The following VTI1A variants were observed in gnomAD, a reference collection of about 807,000 sequenced individuals.
VTI1A encodes vesicle transport through interaction with t-SNAREs homolog 1A.
In VTI1A, 22 loss-of-function variants were observed where a neutral mutation model predicts 34.9. The ratio of observed to expected loss-of-function variants is 0.63; its 90% confidence interval spans 0.45 to 0.90. The LOEUF (loss-of-function observed/expected upper bound fraction) is 0.90. VTI1A is among the 40% of genes least tolerant of loss of function. The pLI, the probability that VTI1A is intolerant of heterozygous loss-of-function variation, is 0.00. For missense variants in VTI1A, 268 were observed against 275.6 expected (o/e 0.97, Z 0.20); for synonymous variants, 87 against 97.3 (o/e 0.89, Z 0.62).
At chr10:112,757,802 A>G (rs1851338672) in intron 7 of VTI1A, among the ~76,000 whole-genome samples, 1 of 152,216 alleles carries the variant, frequency 6.6e-6, no homozygotes, top group Non-Finnish European at 1.5e-5. Context: ...CTGGCCACCC[A>G]AAGATACCCA....
chr10:112,633,466 C>T (rs531449985), intron 5 of VTI1A, among the ~76,000 whole-genome samples: 1 of 152,218 alleles, frequency 6.6e-6, no homozygotes, highest in African/African-American at 2.4e-5. Context: ...AATTTCTGTC[C>T]TCCCTATGCT....
intron 7 of VTI1A, among the ~76,000 whole-genome samples, chr10:112,720,634 C>T (rs957529465): frequency 9.4e-6 from 1 of 106,732 alleles, no homozygotes; most frequent in South Asian, 2.7e-4. Flanking sequence ...CAAATGTATA[C>T]GTTGAAGATG....
intron 7 of VTI1A, among the ~76,000 whole-genome samples, chr10:112,770,460 A>G (rs1851774991): frequency 6.7e-6 from 1 of 150,324 alleles, no homozygotes; most frequent in African/African-American, 2.5e-5. Flanking sequence ...CAGTGGCAGG[A>G]TCTCGGCTCA....
intron 3 of VTI1A, among the ~76,000 whole-genome samples, chr10:112,472,743 T>C (rs923291015): frequency 6.6e-6 from 1 of 152,186 alleles, no homozygotes; most frequent in African/African-American, 2.4e-5. Flanking sequence ...TTGGATAGTC[T>C]CAGTGGTAAT....
chr10:112,639,339 A>C lies in VTI1A; in HGVS notation c.428-28879A>C, dbSNP rs1846479431. On this transcript the variant is annotated intron_variant, in intron 5 of 7. Coordinates refer to ENST00000393077, the MANE Select transcript of VTI1A (RefSeq NM_145206.4). ...GAGCTTTTAGACGTATAGGAGACTGACTTTCTGATGCTTATTCTTTTGATG... is the reference window on the plus strand; with the variant it reads ...GAGCTTTTAGACGTATAGGAGACTGCCTTTCTGATGCTTATTCTTTTGATG... Among the ~76,000 whole-genome samples the C allele has an allele frequency of 2.0e-5, 3 of 152,210 alleles. No individual in the cohort carries two copies. In the South Asian group the frequency reaches 6.2e-4, roughly 32 times the overall value.
chr10:112,833,299 T>C, the VTI1A span, among the ~76,000 whole-genome samples: 2 of 151,736 alleles, frequency 1.3e-5, no homozygotes, highest in Non-Finnish European at 2.9e-5. Context: ...ATCACCTGCA[T>C]ACCTCTTCCC....
At chr10:112,722,638 G>C (rs1182505641) in intron 7 of VTI1A, among the ~76,000 whole-genome samples, 2 of 152,132 alleles carry the variant, frequency 1.3e-5, no homozygotes, top group Non-Finnish European at 2.9e-5. Context: ...GTTTTGCAAA[G>C]TGCTTCAGAG....
downstream of VTI1A, among the ~76,000 whole-genome samples, chr10:112,821,245 C>T (rs1014673407): frequency 3.9e-5 from 6 of 152,138 alleles, no homozygotes; most frequent in African/African-American, 1.2e-4. Flanking sequence ...CCGTATTGAT[C>T]GGCTGCAAAC....
chr10:112,459,914 A>AT (rs1847674087), intron 1 of VTI1A, among the ~76,000 whole-genome samples: 1 of 152,140 alleles, frequency 6.6e-6, no homozygotes, highest in Non-Finnish European at 1.5e-5. Flanking sequence ...TCCCGTAGAT[A>AT]TTTTTTATTT....
chr10:112,806,192 C>G (rs1407609776), intron 7 of VTI1A, among the ~76,000 whole-genome samples: 1 of 152,180 alleles, frequency 6.6e-6, no homozygotes, highest in Non-Finnish European at 1.5e-5. Flanking sequence ...TGACTGACTA[C>G]ACCTAAATTG....
At chr10:112,449,109 C>G (rs1232206300) in intron 1 of VTI1A, 1 of 152,232 alleles carries the variant, frequency 6.6e-6, no homozygotes, top group Non-Finnish European at 1.5e-5. Flanking sequence ...ATCACCTCGC[C>G]TCTTCTCTTC....
intron 5 of VTI1A, among the ~76,000 whole-genome samples, chr10:112,618,840 A>G (rs1418372790): frequency 1.3e-5 from 2 of 152,218 alleles, no homozygotes; most frequent in Admixed American, 6.5e-5. Context: ...ACAATGGTTG[A>G]TTAAGGGGTA....
intron 7 of VTI1A, among the ~76,000 whole-genome samples, chr10:112,675,283 T>A (rs530628111): frequency 6.6e-6 from 1 of 152,342 alleles, no homozygotes; most frequent in East Asian, 1.9e-4. Context: ...ACTCCCATTT[T>A]AAGAAATAAG....
At chr10:112,686,582 G>A (rs142508593) in intron 7 of VTI1A, among the ~76,000 whole-genome samples, 4 of 152,258 alleles carry the variant, frequency 2.6e-5, no homozygotes, top group East Asian at 3.9e-4. Flanking sequence ...GAATTCCGAC[G>A]TGCTAGTTTC....
intron 7 of VTI1A, among the ~76,000 whole-genome samples, chr10:112,759,386 G>T (rs967068780): frequency 2.0e-5 from 3 of 152,142 alleles, no homozygotes; most frequent in African/African-American, 4.8e-5. Flanking sequence ...TTGTGTGGGT[G>T]GATCACTTTC....
At chr10:112,741,967 A>G (rs919088239) in intron 7 of VTI1A, among the ~76,000 whole-genome samples, 2 of 152,200 alleles carry the variant, frequency 1.3e-5, no homozygotes, top group African/African-American at 4.8e-5. Context: ...ATCATTTTGA[A>G]CCTATTTTAA....
chr10:112,627,796 T>A (rs1845980143), intron 5 of VTI1A, among the ~76,000 whole-genome samples: 1 of 152,192 alleles, frequency 6.6e-6, no homozygotes, highest in African/African-American at 2.4e-5. Flanking sequence ...CTCAACATTA[T>A]AATAGTGAGA....
rs1564812370 is a variant in VTI1A, at chr10:112,524,768, A to T, written c.265-2319A>T. ...AAAGGGAAAAACAAAAGCAATCTCC[A>T]TATGATCCTCTTGCATACTGTGGAA... On this transcript the variant is annotated intron_variant, in intron 3 of 7. Transcript: ENST00000393077. 2.0e-5 allele frequency among the ~76,000 whole-genome samples: 3 copies of T among 152,322 alleles called. No individual in the cohort carries two copies. The South Asian group carries it at 6.2e-4, about 32-fold the overall frequency.
At chr10:112,830,520 T>C in the VTI1A span, among the ~76,000 whole-genome samples, 1,961 of 151,384 alleles carry the variant, frequency 0.013, 40 homozygotes, top group African/African-American at 0.045. Context: ...GTCCACCTGA[T>C]TCTTGCTCAT....
Sources: gnomAD v4.1 joint callset for allele counts (sites outside exome capture counted in the v4.1 genomes callset) on GRCh38, gnomAD v4.1.1 for gene constraint, MANE v1.5 for transcripts, NCBI Gene and HGNC (gene_info 2026-07-23, HGNC 2026-07-21) for gene names.